Variants in CHODL observed in about 807,000 individuals in gnomAD.
CHODL encodes chondrolectin.
A neutral mutation model predicts 34.5 loss-of-function variants in CHODL; 29 were observed. The ratio of observed to expected loss-of-function variants is 0.84; its 90% CI spans 0.63 to 1.15. The LOEUF (loss-of-function observed/expected upper bound fraction) is 1.15, where lower values mean the gene tolerates loss of function less well. Among genes scored for constraint, CHODL ranks in the 50% most tolerant of loss-of-function variants. The pLI is 0.00. For missense variants in CHODL, 332 were observed against 332.5 expected (o/e 1.00, Z 0.01); for synonymous variants, 125 against 116.1 (o/e 1.08, Z -0.49).
intron 1 of CHODL, among the ~76,000 whole-genome samples, chr21:17,985,439 G>A (rs1297599181): frequency 6.6e-6 from 1 of 152,206 alleles, no homozygotes; most frequent in Non-Finnish European, 1.5e-5. Context: ...ATCTGGTAAT[G>A]TCTGCATTAA....
At chr21:18,106,122 G>T (rs1023326016) in intron 2 of CHODL, among the ~76,000 whole-genome samples, 1 of 152,206 alleles carries the variant, frequency 6.6e-6, no homozygotes, top group Non-Finnish European at 1.5e-5. Flanking sequence ...GGGTTGGTAG[G>T]ACTAAAATGG....
At chr21:17,965,909 T>C (rs1254842204) in intron 1 of CHODL, among the ~76,000 whole-genome samples, 1 of 87,802 alleles carries the variant, frequency 1.1e-5, no homozygotes, top group Non-Finnish European at 2.6e-5. Flanking sequence ...CAAGAGAAGG[T>C]AATTTTTTTT....
At chr21:18,111,383 G>A (rs73310494) in intron 2 of CHODL, among the ~76,000 whole-genome samples, 7 of 152,272 alleles carry the variant, frequency 4.6e-5, no homozygotes, top group African/African-American at 1.7e-4. Flanking sequence ...GTTACCATTT[G>A]TTACTTACAT....
chr21:18,126,404 CAAAA>C (rs879645605), intron 2 of CHODL, among the ~76,000 whole-genome samples: 1 of 151,926 alleles, frequency 6.6e-6, no homozygotes, highest in South Asian at 2.1e-4. Context: ...ACTGGGAAAA[CAAAA>C]AAATTGTGCA....
chr21:18,214,681 G>T (rs1029165227), intron 2 of CHODL, among the ~76,000 whole-genome samples: 2 of 152,016 alleles, frequency 1.3e-5, no homozygotes, highest in East Asian at 3.9e-4. Context: ...GACTCATCAC[G>T]TACGTCTCGA....
chr21:18,085,666 T>C lies in CHODL; in HGVS notation c.-45+57695T>C, dbSNP rs76621664. On this transcript the variant is annotated intron_variant, in intron 2 of 6. Transcript: ENST00000400127. Reference sequence around the variant, plus strand: ...GTGGACAGTTTTTACTTCCAACAATTTGAAAATGTCATTCCATTCTCTTCT... The same window carrying C: ...GTGGACAGTTTTTACTTCCAACAATCTGAAAATGTCATTCCATTCTCTTCT... 8.7e-3 allele frequency among the ~76,000 whole-genome samples: 1,323 copies of C among 152,342 alleles called. 24 individuals are homozygous for C. Among genetic ancestry groups the C allele is most frequent in the African/African-American group, 0.03 (1,248 of 41,586 alleles).
chr21:18,106,482 C>T (rs868224156), intron 2 of CHODL, among the ~76,000 whole-genome samples: 3 of 136,674 alleles, frequency 2.2e-5, no homozygotes, highest in African/African-American at 1.0e-4. Flanking sequence ...TTTCTTTTTT[C>T]TTTTTTCTTT....
intron 2 of CHODL, among the ~76,000 whole-genome samples, chr21:18,239,125 T>C (rs58541781): frequency 0.047 from 7,089 of 152,244 alleles, 527 homozygotes; most frequent in African/African-American, 0.16. Flanking sequence ...TGTTTTTCCC[T>C]TTCTGTTCAT....
intron 1 of CHODL, among the ~76,000 whole-genome samples, chr21:17,920,750 C>T (rs927906981): frequency 2.0e-5 from 3 of 152,130 alleles, no homozygotes; most frequent in Non-Finnish European, 2.9e-5. Flanking sequence ...TGAGATCTAT[C>T]GGAGTAAATA....
chr21:17,933,117 C>T (rs1457013492), intron 1 of CHODL, among the ~76,000 whole-genome samples: 1 of 152,200 alleles, frequency 6.6e-6, no homozygotes, highest in Non-Finnish European at 1.5e-5. Flanking sequence ...AGGTGGTTTT[C>T]CCCTATCTCA....
chr21:18,136,202 A>C (rs953222349), intron 2 of CHODL, among the ~76,000 whole-genome samples: 1 of 152,104 alleles, frequency 6.6e-6, no homozygotes, highest in African/African-American at 2.4e-5. Context: ...CATTTTACTC[A>C]ACAAATATAA....
At chr21:18,174,827 A>G (rs187642170) in intron 2 of CHODL, among the ~76,000 whole-genome samples, 49 of 152,298 alleles carry the variant, frequency 3.2e-4, no homozygotes, top group Non-Finnish European at 4.4e-5. Flanking sequence ...GATCAAACCA[A>G]ATTTAAAATA....
At chr21:17,969,705 C>CAG (rs944327346) in intron 1 of CHODL, among the ~76,000 whole-genome samples, 6 of 152,064 alleles carry the variant, frequency 3.9e-5, no homozygotes, top group African/African-American at 1.4e-4. Context: ...CCTGGAGATA[C>CAG]AGTGTGGTAT....
At chr21:17,940,551 T>C (rs1286266078) in intron 1 of CHODL, among the ~76,000 whole-genome samples, 1 of 152,190 alleles carries the variant, frequency 6.6e-6, no homozygotes, top group African/African-American at 2.4e-5. Context: ...AAATAGTAAC[T>C]GGGAGGAAAC....
chr21:18,027,067 A>G (rs1396954396), intron 1 of CHODL, among the ~76,000 whole-genome samples: 1 of 151,898 alleles, frequency 6.6e-6, no homozygotes, highest in Admixed American at 6.6e-5. Context: ...GCTGAAAGCC[A>G]GGAGTTTGAA....
intron 1 of CHODL, among the ~76,000 whole-genome samples, chr21:17,928,380 A>G (rs1234991252): frequency 6.6e-6 from 1 of 152,178 alleles, no homozygotes; most frequent in African/African-American, 2.4e-5. Flanking sequence ...GAAAAGGGAA[A>G]GTCAATAAGA....
chr21:18,076,614 AG>A (rs2064869642), intron 2 of CHODL, among the ~76,000 whole-genome samples: 1 of 152,218 alleles, frequency 6.6e-6, no homozygotes, highest in Non-Finnish European at 1.5e-5. Flanking sequence ...CCTATCTGGG[AG>A]AGAACACAAA....
chr21:18,135,920 G>A (rs1735284), intron 2 of CHODL, among the ~76,000 whole-genome samples: 18,208 of 151,486 alleles, frequency 0.12, 1,501 homozygotes, highest in East Asian at 0.23. Context: ...AATCCCGGCC[G>A]ACATGGTGAA....
At chr21:18,254,945 C>T (rs1025425220) in intron 1 of CHODL, among the ~76,000 whole-genome samples, 1 of 151,724 alleles carries the variant, frequency 6.6e-6, no homozygotes, top group African/African-American at 2.4e-5. Flanking sequence ...TTCATTATGA[C>T]GTCTCAAAAA....
Sources: allele counts gnomAD v4.1 joint callset (sites outside exome capture counted in the v4.1 genomes callset), GRCh38; gene constraint gnomAD v4.1.1; transcripts MANE v1.5; gene names NCBI Gene and HGNC (gene_info 2026-07-23, HGNC 2026-07-21).